The following RORB variants were observed in gnomAD, a reference collection of about 807,000 sequenced individuals.
RORB encodes RAR related orphan receptor B.
A neutral mutation model predicts 59.1 loss-of-function variants in RORB; 6 were observed. The ratio of observed to expected loss-of-function variants is 0.10; its 90% CI spans 0.06 to 0.20. The LOEUF (loss-of-function observed/expected upper bound fraction) is 0.20, where lower values mean the gene tolerates loss of function less well. Among genes scored for constraint, RORB ranks in the 10% least tolerant of loss-of-function variants. The pLI, the probability that RORB is intolerant of heterozygous loss-of-function variation, is 1.00. For missense variants in RORB, 320 were observed against 560.5 expected (o/e 0.57, Z 4.33); for synonymous variants, 215 against 204.5 (o/e 1.05, Z -0.44).
At chr9:74,524,081 T>C (rs913660417) in intron 1 of RORB, among the ~76,000 whole-genome samples, 2 of 144,510 alleles carry the variant, frequency 1.4e-5, no homozygotes, top group African/African-American at 5.2e-5. Context: ...AGGAATAAGG[T>C]AAATATCTCA....
chr9:74,600,545 T>C (rs1014238622), intron 1 of RORB, among the ~76,000 whole-genome samples: 2 of 152,182 alleles, frequency 1.3e-5, no homozygotes, highest in Non-Finnish European at 2.9e-5. Flanking sequence ...TCACCCACAA[T>C]TGTCATTTCA....
intron 9 of RORB, among the ~76,000 whole-genome samples, chr9:74,676,735 C>A (rs754566251): frequency 6.6e-6 from 1 of 152,210 alleles, no homozygotes; most frequent in Non-Finnish European, 1.5e-5. Flanking sequence ...TTCTGGCTGG[C>A]CAGAAAGTTA....
rs1458992490 is a variant in RORB at position 74,528,823 on chromosome 9, C to T, written c.7+30840C>T. On this transcript the variant is annotated intron_variant, in intron 1 of 9. Coordinates refer to ENST00000376896, the MANE Select transcript of RORB (RefSeq NM_006914.4). ...TTGTGTGCCTACTCTATCCCAGGCA[C>T]TGGATAGGCAATCCCGTGAAGTGGA... Among the ~76,000 whole-genome samples, 4 of 152,088 alleles carry T rather than the reference C, an allele frequency of 2.6e-5. No individual in the cohort carries two copies. In the East Asian group the frequency reaches 5.8e-4, roughly 22 times the overall value.
chr9:74,639,473 A>G (rs1293882759), intron 3 of RORB, among the ~76,000 whole-genome samples: 1 of 152,210 alleles, frequency 6.6e-6, no homozygotes, highest in Non-Finnish European at 1.5e-5. Flanking sequence ...AATACAGAGT[A>G]TACAGAAATC....
At chr9:74,532,497 C>A (rs776866510) in intron 1 of RORB, among the ~76,000 whole-genome samples, 33 of 151,870 alleles carry the variant, frequency 2.2e-4, no homozygotes, top group Non-Finnish European at 3.5e-4. Flanking sequence ...ACATCATACT[C>A]TTTAGGAGTA....
intron 1 of RORB, among the ~76,000 whole-genome samples, chr9:74,508,392 A>G (rs1825895644): frequency 6.6e-6 from 1 of 152,040 alleles, no homozygotes; most frequent in South Asian, 2.1e-4. Context: ...TTCTTTTGCA[A>G]TAAAATAAAC....
intron 1 of RORB, among the ~76,000 whole-genome samples, chr9:74,619,443 T>C (rs920831909): frequency 2.0e-5 from 3 of 152,182 alleles, no homozygotes; most frequent in Admixed American, 2.0e-4. Context: ...TAAGTAGATG[T>C]TGGCTGAGTT....
chr9:74,589,384 G>A (rs1330593957), intron 1 of RORB, among the ~76,000 whole-genome samples: 4 of 152,012 alleles, frequency 2.6e-5, no homozygotes, highest in Admixed American at 1.3e-4. Flanking sequence ...CACAAACCAT[G>A]GACCCAAATT....
At chr9:74,523,270 C>T (rs1402546591) in intron 1 of RORB, among the ~76,000 whole-genome samples, 1 of 151,404 alleles carries the variant, frequency 6.6e-6, no homozygotes, top group Non-Finnish European at 1.5e-5. Flanking sequence ...TCTTGTTTCC[C>T]TCTTTTTCAT....
intron 1 of RORB, among the ~76,000 whole-genome samples, chr9:74,547,866 T>C (rs891916497): frequency 6.6e-6 from 1 of 152,294 alleles, no homozygotes; most frequent in African/African-American, 2.4e-5. Flanking sequence ...ATCTGACATG[T>C]TTTTTAAAAA....
chr9:74,685,746 A>C lies in RORB; in HGVS notation c.*128A>C, dbSNP rs1824630183. 8.5e-6 allele frequency: 5 copies of C among 591,550 alleles called. No homozygotes were observed. In the East Asian group the frequency reaches 1.5e-4, roughly 18 times the overall value. The allele number at this position is 591,550 out of a possible 1,614,324, so 36.6% of individuals were successfully genotyped here. On this transcript the variant is annotated 3_prime_UTR_variant, in exon 10 of 10. Coordinates refer to ENST00000376896, the MANE Select transcript of RORB (RefSeq NM_006914.4). The stretch of plus-strand genomic sequence containing the variant: ...GGAATGTCCTGCACTTAATAGAATT[A>C]TTTTTCACCGCTACAGTTTGAAGAA...
intron 4 of RORB, among the ~76,000 whole-genome samples, chr9:74,654,333 G>GGAGAGAGAGAGAGAGAGAGAGAGAGAGA (rs60137307): frequency 7.2e-6 from 1 of 138,616 alleles, no homozygotes; most frequent in African/African-American, 2.7e-5. Context: ...CAGTCTCAGG[G>GGAGAGAGAGAGAGAGAGAGAGAGAGAGA]GAGAGAGAGA....
chr9:74,581,189 C>A (rs1041290149), intron 1 of RORB, among the ~76,000 whole-genome samples: 7 of 152,156 alleles, frequency 4.6e-5, no homozygotes, highest in African/African-American at 1.7e-4. Flanking sequence ...ACCCTTTAAA[C>A]CTTCTTAAAG....
At chr9:74,585,810 A>ATTTC (rs1563944698) in intron 1 of RORB, among the ~76,000 whole-genome samples, 2 of 151,718 alleles carry the variant, frequency 1.3e-5, no homozygotes, top group Non-Finnish European at 2.9e-5. Context: ...TTATTTATTT[A>ATTTC]TTGAGACGGA....
intron 9 of RORB, among the ~76,000 whole-genome samples, chr9:74,684,672 T>C (rs567552224): frequency 1.1e-4 from 17 of 152,288 alleles, no homozygotes; most frequent in African/African-American, 4.1e-4. Context: ...ACCTAACAAT[T>C]GTAAGTGGAT....
intron 1 of RORB, among the ~76,000 whole-genome samples, chr9:74,596,500 A>C (rs1029255264): frequency 6.6e-6 from 1 of 152,188 alleles, no homozygotes; most frequent in Non-Finnish European, 1.5e-5. Flanking sequence ...ACCTAGAAAA[A>C]GTAACTCCAT....
chr9:74,607,992 C>T (rs1296727826), intron 1 of RORB, among the ~76,000 whole-genome samples: 1 of 152,070 alleles, frequency 6.6e-6, no homozygotes, highest in Non-Finnish European at 1.5e-5. Context: ...GTGCTGAACT[C>T]CCCATTGTTG....
chr9:74,553,554 T>C (rs1471698333), intron 1 of RORB, among the ~76,000 whole-genome samples: 1 of 149,376 alleles, frequency 6.7e-6, no homozygotes, highest in East Asian at 1.9e-4. Context: ...TGAGGTGAAA[T>C]TTATGTCAAA....
intron 1 of RORB, among the ~76,000 whole-genome samples, chr9:74,623,762 G>A (rs1388024304): frequency 6.6e-6 from 1 of 152,112 alleles, no homozygotes; most frequent in African/African-American, 2.4e-5. Flanking sequence ...CACCTTGAGT[G>A]GTCGAAAAGA....
Sources: gnomAD v4.1 joint callset for allele counts (sites outside exome capture counted in the v4.1 genomes callset) on GRCh38, gnomAD v4.1.1 for gene constraint, MANE v1.5 for transcripts, NCBI Gene and HGNC (gene_info 2026-07-23, HGNC 2026-07-21) for gene names.